The following CTNND2 variants were observed in gnomAD, a reference collection of about 807,000 sequenced individuals.
CTNND2 encodes the protein catenin delta-2.
A neutral mutation model predicts 144.4 loss-of-function variants in CTNND2; 22 were observed. The ratio of observed to expected loss-of-function variants is 0.15; its 90% CI spans 0.11 to 0.22. The LOEUF (loss-of-function observed/expected upper bound fraction) is 0.22. Among genes scored for constraint, CTNND2 ranks in the 10% least tolerant of loss-of-function variants. The pLI, the probability that CTNND2 is intolerant of heterozygous loss-of-function variation, is 1.00. For missense variants in CTNND2, 1,353 were observed against 1,618.8 expected (o/e 0.84, Z 2.82); for synonymous variants, 751 against 695.6 (o/e 1.08, Z -1.25).
At chr5:11,870,085 G>C (rs148687010) in intron 1 of CTNND2, among the ~76,000 whole-genome samples, 135 of 152,280 alleles carry the variant, frequency 8.9e-4, no homozygotes, top group African/African-American at 3.2e-3. Flanking sequence ...ACAATGCCTA[G>C]CAAAAGAGCC....
At chr5:11,887,279 G>A (rs1351049579) in intron 1 of CTNND2, among the ~76,000 whole-genome samples, 5 of 151,976 alleles carry the variant, frequency 3.3e-5, no homozygotes, top group East Asian at 1.9e-4. Context: ...CACCACATCC[G>A]GCCTATTCTA....
Position 11,346,724 on chromosome 5 carries a change from A to G in CTNND2, c.1373-97T>C, listed in dbSNP as rs532600671. 6 of 1,154,090 alleles carry G rather than the reference A, an allele frequency of 5.2e-6. No individual in the cohort carries two copies. The South Asian group carries it at 1.3e-4, about 25-fold the overall frequency. The allele number at this position is 1,154,090 out of a possible 1,614,324, so 71.5% of individuals were successfully genotyped here. A position where few individuals can be genotyped will look rare whatever the true frequency, so the allele number is the denominator to read the frequency against. On this transcript the variant is annotated intron_variant, in intron 8 of 21. Coordinates refer to ENST00000304623, the MANE Select transcript of CTNND2 (RefSeq NM_001332.4). ...CAGGGGCAGGGGAAGTTACACACAT[A>G]AAAAATAGGGGGTTCAAAAGAATAA... is the stretch of plus-strand genomic sequence containing the variant.
At chr5:11,634,896 C>A (rs1364814524) in intron 2 of CTNND2, among the ~76,000 whole-genome samples, 1 of 151,542 alleles carries the variant, frequency 6.6e-6, no homozygotes, top group Non-Finnish European at 1.5e-5. Context: ...TGAAAATAGT[C>A]CATTATTTTT....
At chr5:11,758,899 C>T (rs965903368) in intron 1 of CTNND2, among the ~76,000 whole-genome samples, 2 of 151,908 alleles carry the variant, frequency 1.3e-5, no homozygotes, top group African/African-American at 2.4e-5. Context: ...TTCACATCAT[C>T]AACAGTTACC....
chr5:11,336,503 A>G (rs1367903926), intron 9 of CTNND2, among the ~76,000 whole-genome samples: 1 of 151,650 alleles, frequency 6.6e-6, no homozygotes, highest in East Asian at 1.9e-4. Context: ...TCAACACCCT[A>G]TCAACACTGA....
At chr5:11,174,088 T>C (rs1760222701) in intron 11 of CTNND2, among the ~76,000 whole-genome samples, 1 of 152,016 alleles carries the variant, frequency 6.6e-6, no homozygotes, top group Non-Finnish European at 1.5e-5. Context: ...TGCAGGGAGA[T>C]GGAGACGTTC....
rs180899037 is a variant in CTNND2 at position 11,730,638 on chromosome 5, A to C, written c.174+1498T>G. On this transcript the variant is annotated intron_variant, in intron 2 of 21. Coordinates refer to ENST00000304623, the MANE Select transcript of CTNND2 (RefSeq NM_001332.4). Reference sequence around the variant, plus strand: ...TTGATCCAGTTTGCCAAAGAAACAAACAACCAGCCACAGGCTTCTGATTAC... The same window carrying C: ...TTGATCCAGTTTGCCAAAGAAACAACCAACCAGCCACAGGCTTCTGATTAC... 5.3e-5 allele frequency among the ~76,000 whole-genome samples: 8 copies of C among 152,336 alleles called. No individual in the cohort carries two copies. In the East Asian group the frequency reaches 7.7e-4, roughly 15 times the overall value.
At chr5:11,592,291 C>T (rs186950716) in intron 2 of CTNND2, among the ~76,000 whole-genome samples, 5 of 151,696 alleles carry the variant, frequency 3.3e-5, no homozygotes, top group Admixed American at 2.6e-4. Context: ...TTCCTTTCTG[C>T]CTTCCTTCCT....
At chr5:11,054,554 T>G (rs1363660115) in intron 16 of CTNND2, among the ~76,000 whole-genome samples, 1 of 152,086 alleles carries the variant, frequency 6.6e-6, no homozygotes, top group Non-Finnish European at 1.5e-5. Flanking sequence ...TGGGATCCCC[T>G]CAGCTGCTCC....
At chr5:11,805,640 G>A (rs1367445078) in intron 1 of CTNND2, among the ~76,000 whole-genome samples, 2 of 152,010 alleles carry the variant, frequency 1.3e-5, no homozygotes, top group African/African-American at 4.8e-5. Flanking sequence ...GCTAGCATTG[G>A]ATCATAACAT....
intron 1 of CTNND2, among the ~76,000 whole-genome samples, chr5:11,836,401 C>A (rs1794182703): frequency 6.6e-6 from 1 of 152,122 alleles, no homozygotes. Flanking sequence ...AATCAGTAGG[C>A]ATGGTAGGGA....
chr5:11,293,597 A>C (rs1489941884), intron 9 of CTNND2, among the ~76,000 whole-genome samples: 1 of 151,916 alleles, frequency 6.6e-6, no homozygotes, highest in Non-Finnish European at 1.5e-5. Context: ...AACAAAAATT[A>C]CATTCTAAAA....
At chr5:11,220,423 CT>C (rs1423960318) in intron 10 of CTNND2, among the ~76,000 whole-genome samples, 2 of 152,146 alleles carry the variant, frequency 1.3e-5, no homozygotes, top group Non-Finnish European at 2.9e-5. Context: ...CAGACAGGAG[CT>C]TCTACTCCTC....
At chr5:11,598,240 C>T (rs1281936138) in intron 2 of CTNND2, among the ~76,000 whole-genome samples, 1 of 152,124 alleles carries the variant, frequency 6.6e-6, no homozygotes, top group Non-Finnish European at 1.5e-5. Context: ...TTCTAGGAGC[C>T]ATGGCTAACA....
At chr5:11,619,670 C>A (rs1482908690) in intron 2 of CTNND2, among the ~76,000 whole-genome samples, 1 of 152,108 alleles carries the variant, frequency 6.6e-6, no homozygotes, top group Non-Finnish European at 1.5e-5. Context: ...GATAAACATT[C>A]CAAACAGAAG....
chr5:11,379,620 C>T lies in CTNND2; in HGVS notation c.1177+5045G>A, dbSNP rs761561510. The stretch of plus-strand genomic sequence containing the variant: ...AAAAAATATAAAAAGTAGGTTCTGT[C>T]GCTGACTAGCCTTTTTCTCAACCAT... On this transcript the variant is annotated intron_variant, in intron 7 of 21. Coordinates refer to ENST00000304623, the MANE Select transcript of CTNND2 (RefSeq NM_001332.4). Among the ~76,000 whole-genome samples, 7 of 152,156 alleles carry T rather than the reference C, an allele frequency of 4.6e-5. No individual in the cohort carries two copies. In the Middle Eastern group the frequency reaches 0.014, roughly 298 times the overall value.
At chr5:11,470,176 C>T (rs28671155) in intron 3 of CTNND2, among the ~76,000 whole-genome samples, 12,006 of 152,216 alleles carry the variant, frequency 0.079, 506 homozygotes, top group South Asian at 0.11. Context: ...TGGCTCACAC[C>T]TGTAATCCTA....
At chr5:11,197,457 C>T (rs1244762413) in intron 11 of CTNND2, among the ~76,000 whole-genome samples, 1 of 152,202 alleles carries the variant, frequency 6.6e-6, no homozygotes, top group Non-Finnish European at 1.5e-5. Flanking sequence ...CAAGACATGA[C>T]AGTGGGTGCA....
chr5:11,291,237 G>T (rs1374382587), intron 9 of CTNND2, among the ~76,000 whole-genome samples: 2 of 152,098 alleles, frequency 1.3e-5, no homozygotes, highest in South Asian at 2.1e-4. Context: ...ATTTTCCTTC[G>T]AATGTCTCTT....
Sources: allele counts gnomAD v4.1 joint callset (sites outside exome capture counted in the v4.1 genomes callset), GRCh38; gene constraint gnomAD v4.1.1; transcripts MANE v1.5; gene names NCBI Gene and HGNC (gene_info 2026-07-23, HGNC 2026-07-21).